The following PSME4 variants were observed in gnomAD, a reference collection of about 807,000 sequenced individuals.
PSME4 encodes the protein proteasome activator complex subunit 4.
PSME4 carries 89 observed loss-of-function variants against 253.9 expected under a neutral mutation model. That is an observed-to-expected ratio of 0.35 (90% CI 0.30 to 0.42). The LOEUF (loss-of-function observed/expected upper bound fraction) is 0.42. Ranked by LOEUF, PSME4 falls within the 10% of genes least tolerant of loss-of-function variation. The probability of loss-of-function intolerance (pLI) is 1.00; values close to 1 mark genes in which losing one functional copy is unlikely to be tolerated. For synonymous variants in PSME4, 851 were observed against 759.2 expected (o/e 1.12, Z -1.99); for missense variants, 2,014 against 2,195.2 (o/e 0.92, Z 1.65).
At position 53,887,204 on chromosome 2, in the gene PSME4, C is replaced by A. The variant is rs186324280; in HGVS notation, c.4729+55G>T. 4.9e-5 allele frequency: 73 copies of A among 1,477,812 alleles called. No individual in the cohort carries two copies. The East Asian group carries it at 1.6e-3, about 33-fold the overall frequency. The allele number at this position is 1,477,812 out of a possible 1,614,324, so 91.5% of individuals were successfully genotyped here. ...AAAAAAAGTGGTGCAAAAAACTCTACAGGATAATCAAATAGATGTTTTCAA... is the reference window on the plus strand; with the variant it reads ...AAAAAAAGTGGTGCAAAAAACTCTAAAGGATAATCAAATAGATGTTTTCAA... On this transcript the variant is annotated intron_variant, in intron 40 of 46. Transcript: ENST00000404125.
At chr2:53,965,561 G>A (rs1004066232) in intron 1 of PSME4, among the ~76,000 whole-genome samples, 1 of 147,728 alleles carries the variant, frequency 6.8e-6, no homozygotes. Flanking sequence ...CCCTGAGGAG[G>A]TTTCAAGAGT....
At position 53,898,304 on chromosome 2, in the gene PSME4, T is replaced by C. The variant is rs1402226412; in HGVS notation, c.3473A>G (p.Asn1158Ser). The change falls in exon 30 of 47, where the codon AAC becomes AGC. Residue 1158 changes from asparagine (N) to serine (S), a missense_variant. Asn to Ser is a conservative substitution (Grantham distance 46, BLOSUM62 1). Transcript: ENST00000404125. ...DTLLDGVEQR[N>S]LPWKFEHIGI... ...TACAAAAATCTTTTGCACTTACAGG[T>C]TTCTTTGCTCCACACCATCTAGCAA... The C allele has an allele frequency of 6.2e-7, 1 of 1,605,186 alleles. No individual in the cohort carries two copies. Among genetic ancestry groups the C allele is most frequent in the Non-Finnish European group, 8.5e-7 (1 of 1,176,822 alleles).
intron 26 of PSME4, among the ~76,000 whole-genome samples, chr2:53,905,154 C>T (rs978879340): frequency 1.3e-5 from 2 of 151,108 alleles, no homozygotes; most frequent in Non-Finnish European, 3.0e-5. Context: ...CCTTAGCCTC[C>T]GTGTAGCTGG....
In PSME4 at chr2:53,961,657, G is replaced by A. The variant is rs555074757; in HGVS notation, c.242+8886C>T. On this transcript the variant is annotated intron_variant, in intron 1 of 46. Transcript: ENST00000404125. ...AGCGCCACTGCACTCCAACCTGGGC[G>A]ACAGAGCAAGACTGTCTAAAAATAA... Among the ~76,000 whole-genome samples, 6 of 152,216 alleles carry A rather than the reference G, an allele frequency of 3.9e-5. No individual in the cohort carries two copies. In the South Asian group the frequency reaches 6.2e-4, roughly 16 times the overall value.
intron 39 of PSME4, 32 bp downstream of exon 39, chr2:53,887,826 G>A (rs776444330): frequency 1.4e-5 from 22 of 1,529,342 alleles, no homozygotes; most frequent in Non-Finnish European, 1.8e-5. Context: ...CAAAGAACTC[G>A]AGAGGTACAC....
In PSME4 at chr2:53,866,208, T is replaced by A. The variant is rs1678556455; in HGVS notation, c.5413A>T (p.Thr1805Ser). The A allele has an allele frequency of 6.2e-7, 1 of 1,612,914 alleles. No individual in the cohort carries two copies. The highest frequency in any genetic ancestry group is 1.3e-5 in the African/African-American group (1 of 74,738). ...TGAGTCCTTCGGAAATTGGATAAGGTTTTTTTTACAGTCATCTGTAAAGTA... is the reference window on the plus strand; with the variant it reads ...TGAGTCCTTCGGAAATTGGATAAGGATTTTTTTACAGTCATCTGTAAAGTA... ...PQPIEMTVKK[T>S]LSNFRRTHHD... The change falls in exon 46 of 47, where the codon ACC becomes TCC. Residue 1805 changes from threonine (T) to serine (S), a missense_variant. Thr to Ser is a moderately conservative substitution (Grantham distance 58). This residue lies in a region of PSME4 where 403 missense variants were observed against 556.1 expected (regional missense o/e 0.72). Transcript: ENST00000404125.
At chr2:53,946,986 T>C (rs1026896551) in intron 3 of PSME4, among the ~76,000 whole-genome samples, 1 of 152,166 alleles carries the variant, frequency 6.6e-6, no homozygotes, top group African/African-American at 2.4e-5. Flanking sequence ...GGTAAAAGCA[T>C]ACTTGCACAA....
intron 41 of PSME4, 46 bp from the exon 42 acceptor site, chr2:53,875,801 A>G (rs762098449): frequency 2.0e-5 from 31 of 1,572,258 alleles, no homozygotes; most frequent in African/African-American, 2.7e-5. Flanking sequence ...ATAATTGCCA[A>G]TAAGTACAAA....
At chr2:53,888,165 T>C (rs1488388875) in intron 38 of PSME4, 176 bp from the exon 39 acceptor site, 1 of 524,382 alleles carries the variant, frequency 1.9e-6, no homozygotes, top group Non-Finnish European at 3.0e-6. Flanking sequence ...TTTTCCTATA[T>C]CATTTTCTCT....
At chr2:53,944,524 C>T (rs1669612620) in intron 3 of PSME4, among the ~76,000 whole-genome samples, 1 of 152,056 alleles carries the variant, frequency 6.6e-6, no homozygotes, top group Non-Finnish European at 1.5e-5. Context: ...GGATGTTCTC[C>T]AAATACTACA....
chr2:53,866,051 A>G, intron 46 of PSME4, 34 bp downstream of exon 46: 1 of 1,566,508 alleles, frequency 6.4e-7, no homozygotes, highest in Non-Finnish European at 8.7e-7. Flanking sequence ...CTCAGTCACC[A>G]AACCAATGTA....
intron 44 of PSME4, among the ~76,000 whole-genome samples, chr2:53,867,106 C>T (rs543981340): frequency 3.8e-4 from 58 of 152,254 alleles, no homozygotes; most frequent in African/African-American, 1.3e-3. Context: ...TACCTGTAAT[C>T]CCAGCACTTT....
intron 36 of PSME4, among the ~76,000 whole-genome samples, chr2:53,891,872 A>C (rs927790634): frequency 6.6e-6 from 1 of 151,932 alleles, no homozygotes; most frequent in Middle Eastern, 3.4e-3. Flanking sequence ...AAAAAAAAAA[A>C]AGAGAAGACA....
chr2:53,879,009 C>T (rs1679259339), intron 41 of PSME4, among the ~76,000 whole-genome samples: 1 of 152,116 alleles, frequency 6.6e-6, no homozygotes, highest in Admixed American at 6.5e-5. Flanking sequence ...CATCAAGGAA[C>T]CTGCTGACAT....
intron 28 of PSME4, 61 bp from the exon 29 acceptor site, chr2:53,900,078 A>G: frequency 6.9e-7 from 1 of 1,446,474 alleles, no homozygotes; most frequent in African/African-American, 1.4e-5. Flanking sequence ...ACCTGAACGA[A>G]CCTTGAAAAT....
At position 53,949,171 on chromosome 2, in the gene PSME4, A is replaced by C. The variant is rs773248336; in HGVS notation, c.355T>G (p.Phe119Val). The C allele has an allele frequency of 6.2e-7, 1 of 1,604,382 alleles. No individual in the cohort carries two copies. Among genetic ancestry groups the C allele is most frequent in the Non-Finnish European group, 8.5e-7 (1 of 1,175,396 alleles). Reference sequence around the variant, plus strand: ...AACAAGTTGATCAAAAGGCGGGCAAATCCCTGCATCATGCTGATTTCCAGT... The same window carrying C: ...AACAAGTTGATCAAAAGGCGGGCAACTCCCTGCATCATGCTGATTTCCAGT... ...PKLEISMMQGFARLLINLLKK... is the reference protein window; with the variant it reads ...PKLEISMMQGVARLLINLLKK... The change falls in exon 2 of 47, where the codon TTT (phenylalanine) becomes GTT (valine). Residue 119 changes from phenylalanine to valine, a missense_variant. Phe to Val is a conservative substitution (Grantham distance 50). Around this residue, in one of 4 missense-constraint regions of PSME4, gnomAD observed 615 missense variants for 594.4 expected, o/e 1.03. Transcript: ENST00000404125.
At chr2:53,873,243 A>AAC (rs1159096239) in intron 43 of PSME4, among the ~76,000 whole-genome samples, 1 of 151,520 alleles carries the variant, frequency 6.6e-6, no homozygotes, top group East Asian at 1.9e-4. Flanking sequence ...CGTCTCAAAA[A>AAC]AAAAGAAAAA....
Position 53,897,894 on chromosome 2 carries a change from G to A in PSME4, c.3582C>T (p.Asn1194=), listed in dbSNP as rs1680214632. Reference sequence around the variant, plus strand: ...CCTTTCGAACTACAATTGCATCATGGTTGAGATTCTCAACAAAAAACCGTA... The same window carrying A: ...CCTTTCGAACTACAATTGCATCATGATTGAGATTCTCAACAAAAAACCGTA... ...RAIRFFVENL[N]HDAIVVRKMA... Residue 1194 remains asparagine, a synonymous_variant, in exon 31 of 47, where the codon AAC becomes AAT. Transcript: ENST00000404125. The A allele has an allele frequency of 3.7e-6, 6 of 1,613,734 alleles. No homozygotes were observed. The highest frequency in any genetic ancestry group is 5.1e-6 in the Non-Finnish European group (6 of 1,179,724).
intron 3 of PSME4, chr2:53,942,013 A>G (rs1386930059): frequency 6.6e-6 from 1 of 152,598 alleles, no homozygotes; most frequent in East Asian, 1.9e-4. Context: ...CACTTGATAG[A>G]GTCACTTCAC....
Sources: gnomAD v4.1 joint callset for allele counts (sites outside exome capture counted in the v4.1 genomes callset) on GRCh38, gnomAD v4.1.1 for gene constraint, gnomAD v4.1.1 regional missense constraint, MANE v1.5 for transcripts, NCBI Gene and HGNC (gene_info 2026-07-23, HGNC 2026-07-21) for gene names.